Variants in DCBLD1 observed in about 807,000 individuals in gnomAD.
The protein encoded by DCBLD1 is discoidin, CUB and LCCL domain containing 1.
In DCBLD1, 57 loss-of-function variants were observed where a neutral mutation model predicts 71.5. The ratio of observed to expected loss-of-function variants is 0.80; its 90% confidence interval spans 0.64 to 0.99. The LOEUF (loss-of-function observed/expected upper bound fraction) is 0.99. DCBLD1 is among the 50% of genes least tolerant of loss of function. The pLI, the probability that DCBLD1 is intolerant of heterozygous loss-of-function variation, is 0.00. For missense variants in DCBLD1, 891 were observed against 923.5 expected (o/e 0.96, Z 0.46); for synonymous variants, 380 against 363.8 (o/e 1.04, Z -0.51).
chr6:117,548,349 C>T lies in DCBLD1; in HGVS notation c.2058C>T (p.Pro686=), dbSNP rs2114578566. 2 of 1,550,694 alleles carry T rather than the reference C, an allele frequency of 1.3e-6. No individual in the cohort carries two copies. Among genetic ancestry groups the T allele is most frequent in the East Asian group, 2.4e-5 (1 of 40,910 alleles). The change falls in exon 15 of 15, where the codon CCC becomes CCT. Residue 686 remains proline, a synonymous_variant. Transcript: ENST00000338728. Reference sequence around the variant, plus strand: ...GCGGGCACCCTGACTCTCAGAAGCCCCCAACGCATCCCGGGACGAGTGACA... The same window carrying T: ...GCGGGCACCCTGACTCTCAGAAGCCTCCAACGCATCCCGGGACGAGTGACA... The part of the protein sequence containing the change: ...TESGHPDSQK[P]PTHPGTSDSY...
Position 117,549,173 on chromosome 6 carries a change from G to C in DCBLD1, c.*734G>C. 1 of 985,458 alleles carries C rather than the reference G, an allele frequency of 1.0e-6. No individual in the cohort carries two copies. The highest frequency in any genetic ancestry group is 5.2e-4 in the Middle Eastern group (1 of 1,916). 61.0% of individuals were successfully genotyped at this position (985,458 alleles called of 1,614,324 possible). A position where few individuals can be genotyped will look rare whatever the true frequency, so the allele number is the denominator to read the frequency against. ...CGGCCCAGCTCCGGTGACCATGAAG[G>C]TGGCACAGGAATTACAGTGTGAATG... On this transcript the variant is annotated 3_prime_UTR_variant, in exon 15 of 15. Coordinates refer to ENST00000338728, the MANE Select transcript of DCBLD1 (RefSeq NM_001366458.2).
At chr6:117,511,637 T>C (rs1778024981) in intron 2 of DCBLD1, among the ~76,000 whole-genome samples, 1 of 152,254 alleles carries the variant, frequency 6.6e-6, no homozygotes, top group African/African-American at 2.4e-5. Flanking sequence ...CATGTCATTT[T>C]TTAGAATGAT....
At chr6:117,535,107 C>T (rs528825124) in intron 6 of DCBLD1, among the ~76,000 whole-genome samples, 2 of 152,300 alleles carry the variant, frequency 1.3e-5, no homozygotes, top group South Asian at 4.1e-4. Flanking sequence ...GGTCATTGAA[C>T]TTATGTTCCC....
chr6:117,547,115 T>C (rs1043488466), intron 14 of DCBLD1, among the ~76,000 whole-genome samples: 1 of 152,172 alleles, frequency 6.6e-6, no homozygotes, highest in African/African-American at 2.4e-5. Flanking sequence ...TTTTGATCTT[T>C]TCCTCTTGGG....
At chr6:117,514,659 T>G (rs1308115976) in intron 2 of DCBLD1, among the ~76,000 whole-genome samples, 2 of 151,906 alleles carry the variant, frequency 1.3e-5, no homozygotes, top group African/African-American at 2.4e-5. Context: ...ACCCCTCTAG[T>G]TACAATTTTG....
At chr6:117,518,201 T>C (rs1216766474) in intron 2 of DCBLD1, among the ~76,000 whole-genome samples, 1 of 152,172 alleles carries the variant, frequency 6.6e-6, no homozygotes, top group Non-Finnish European at 1.5e-5. Context: ...TCCACAAATC[T>C]CTAAGGCAAG....
chr6:117,524,087 C>T (rs952992040), intron 4 of DCBLD1, among the ~76,000 whole-genome samples: 4 of 152,158 alleles, frequency 2.6e-5, no homozygotes, highest in African/African-American at 9.7e-5. Context: ...CTAGGTAGTG[C>T]TGGAGCCTGT....
At chr6:117,543,590 C>G (rs1779171230) in intron 12 of DCBLD1, among the ~76,000 whole-genome samples, 1 of 152,122 alleles carries the variant, frequency 6.6e-6, no homozygotes, top group African/African-American at 2.4e-5. Context: ...CCAGGCTGGT[C>G]TCAAACTTCT....
chr6:117,540,454 A>G, intron 9 of DCBLD1: 1 of 529,010 alleles, frequency 1.9e-6, no homozygotes, highest in East Asian at 3.2e-5. Context: ...CCAAAATGAA[A>G]TTTAAATCAG....
At chr6:117,513,789 C>G (rs200255537) in intron 2 of DCBLD1, among the ~76,000 whole-genome samples, 1 of 152,190 alleles carries the variant, frequency 6.6e-6, no homozygotes, top group East Asian at 1.9e-4. Context: ...TGCCTGAGCC[C>G]AAGAATATAA....
chr6:117,506,417 A>T (rs1054257330), intron 2 of DCBLD1, among the ~76,000 whole-genome samples: 1 of 152,222 alleles, frequency 6.6e-6, no homozygotes, highest in African/African-American at 2.4e-5. Flanking sequence ...TACATTATAC[A>T]GCAATTTCGT....
chr6:117,552,518 A>G (rs1779445034), downstream of DCBLD1, among the ~76,000 whole-genome samples: 1 of 151,876 alleles, frequency 6.6e-6, no homozygotes. Context: ...CCACCATTCA[A>G]AGCTCTCCCT....
At chr6:117,504,857 A>C (rs1359008832) in intron 2 of DCBLD1, among the ~76,000 whole-genome samples, 1 of 152,208 alleles carries the variant, frequency 6.6e-6, no homozygotes, top group Non-Finnish European at 1.5e-5. Context: ...TGTGCACACA[A>C]CTTTTAAAAT....
At chr6:117,510,284 T>C (rs1777973598) in intron 2 of DCBLD1, among the ~76,000 whole-genome samples, 1 of 151,920 alleles carries the variant, frequency 6.6e-6, no homozygotes, top group Admixed American at 6.6e-5. Context: ...TCCTTCCATG[T>C]CCCCCTCTTT....
intron 1 of DCBLD1, among the ~76,000 whole-genome samples, chr6:117,483,131 C>T (rs1477420356): frequency 1.3e-5 from 2 of 152,306 alleles, no homozygotes; most frequent in South Asian, 2.1e-4. Context: ...CCTTCCTTCC[C>T]CCAAAACCAG....
downstream of DCBLD1, among the ~76,000 whole-genome samples, chr6:117,553,824 A>T (rs12196716): frequency 0.091 from 13,798 of 152,084 alleles, 694 homozygotes; most frequent in Non-Finnish European, 0.1. Context: ...TCTTTTATGT[A>T]TCAAGAACTA....
Position 117,542,539 on chromosome 6 carries a change from G to T in DCBLD1, c.1358-585G>T, listed in dbSNP as rs530084314. Among the ~76,000 whole-genome samples the T allele has an allele frequency of 2.0e-5, 3 of 152,078 alleles. No individual in the cohort carries two copies. In the South Asian group the frequency reaches 6.2e-4, roughly 32 times the overall value. On this transcript the variant is annotated intron_variant, in intron 11 of 14. Transcript: ENST00000338728. ...TGGCTGTCAAAGTGTCCTTTTTTTA[G>T]AGCAGAAAGAGTTGCAGGAAAACAT...
intron 14 of DCBLD1, chr6:117,561,066 C>T (rs566740117): frequency 4.5e-6 from 1 of 223,328 alleles, no homozygotes; most frequent in South Asian, 1.8e-4. Context: ...CTCACAGTAG[C>T]ATCTGAGCAA....
intron 5 of DCBLD1, among the ~76,000 whole-genome samples, chr6:117,528,863 CAG>C (rs1372923234): frequency 7.9e-5 from 12 of 152,232 alleles, no homozygotes; most frequent in African/African-American, 2.9e-4. Flanking sequence ...TTTTTTGAGA[CAG>C]AGTCTCGTTC....
Sources: allele counts gnomAD v4.1 joint callset (sites outside exome capture counted in the v4.1 genomes callset), GRCh38; gene constraint gnomAD v4.1.1; transcripts MANE v1.5; gene names NCBI Gene and HGNC (gene_info 2026-07-23, HGNC 2026-07-21).